The following PLXNA2 variants were observed in gnomAD, a reference collection of about 807,000 sequenced individuals.
PLXNA2 encodes plexin A2, also known as plexin-A2.
Under a neutral mutation model 193.5 loss-of-function variants are expected in PLXNA2, and 91 were observed. The observed-to-expected ratio is 0.47, with a 90% confidence interval of 0.40 to 0.56. The LOEUF (loss-of-function observed/expected upper bound fraction) is 0.56. Among genes scored for constraint, PLXNA2 ranks in the 20% least tolerant of loss-of-function variants. The pLI, the probability that PLXNA2 is intolerant of heterozygous loss-of-function variation, is 0.00. For missense variants in PLXNA2, 1,995 were observed against 2,503.2 expected (o/e 0.80, Z 4.33); for synonymous variants, 997 against 1,027.3 (o/e 0.97, Z 0.56).
intron 3 of PLXNA2, among the ~76,000 whole-genome samples, chr1:208,158,576 C>A (rs1304343168): frequency 6.6e-6 from 1 of 152,174 alleles, no homozygotes; most frequent in Non-Finnish European, 1.5e-5. Flanking sequence ...AGTGGCCTTG[C>A]CGACATCAGT....
chr1:208,163,245 A>G (rs536000137), intron 3 of PLXNA2, among the ~76,000 whole-genome samples: 173 of 152,272 alleles, frequency 1.1e-3, no homozygotes, highest in African/African-American at 4.1e-3. Flanking sequence ...ACCTTGCTCA[A>G]GAGACTCAGC....
At chr1:208,103,901 C>A (rs1667178081) in intron 4 of PLXNA2, among the ~76,000 whole-genome samples, 1 of 152,184 alleles carries the variant, frequency 6.6e-6, no homozygotes, top group Non-Finnish European at 1.5e-5. Context: ...AAGACCCTGC[C>A]CCCCAGAGAG....
At chr1:208,053,054 A>G (rs756396347) in intron 14 of PLXNA2, among the ~76,000 whole-genome samples, 1 of 152,248 alleles carries the variant, frequency 6.6e-6, no homozygotes, top group Non-Finnish European at 1.5e-5. Flanking sequence ...TACTAAGCTC[A>G]CTAAGTAGTA....
chr1:208,087,284 T>C (rs1159477538), intron 9 of PLXNA2, among the ~76,000 whole-genome samples: 1 of 152,116 alleles, frequency 6.6e-6, no homozygotes, highest in Non-Finnish European at 1.5e-5. Flanking sequence ...ATATAACACA[T>C]ATGTTATCTA....
At chr1:208,207,455 C>T (rs1385447569) in intron 3 of PLXNA2, among the ~76,000 whole-genome samples, 2 of 152,186 alleles carry the variant, frequency 1.3e-5, no homozygotes, top group African/African-American at 2.4e-5. Context: ...CACATAAGAG[C>T]GCCCTGTGGT....
rs893498522 is a variant in PLXNA2 at position 208,236,751 on chromosome 1, G to A, written c.-81+6892C>T. On this transcript the variant is annotated intron_variant, in intron 1 of 31. Coordinates refer to ENST00000367033, the MANE Select transcript of PLXNA2 (RefSeq NM_025179.4). The surrounding 1 kb of genome is among the most constrained non-coding windows in gnomAD (Gnocchi z 4.4). Reference sequence around the variant, plus strand: ...AGAAGCGGAAATGACGGCTAGGAAAGGCTCTAGAGACTGGAATCTAGTGGT... The same window carrying A: ...AGAAGCGGAAATGACGGCTAGGAAAAGCTCTAGAGACTGGAATCTAGTGGT... Among the ~76,000 whole-genome samples, 51 of 152,220 alleles carry A rather than the reference G, an allele frequency of 3.4e-4. No homozygotes were observed. The highest frequency in any genetic ancestry group is 1.3e-4 in the Admixed American group (2 of 15,286).
At chr1:208,192,104 C>T (rs539729374) in intron 3 of PLXNA2, among the ~76,000 whole-genome samples, 10 of 152,290 alleles carry the variant, frequency 6.6e-5, no homozygotes, top group East Asian at 3.9e-4. Context: ...TCTCTCAGCC[C>T]GTGCTGCCTG....
In PLXNA2 at chr1:208,148,005, T is replaced by C. The variant is rs1237957323; in HGVS notation, c.1372-5542A>G. Among the ~76,000 whole-genome samples the C allele has an allele frequency of 2.6e-5, 4 of 152,198 alleles. No homozygotes were observed. In the East Asian group the frequency reaches 7.7e-4, roughly 29 times the overall value. On this transcript the variant is annotated intron_variant, in intron 3 of 31. Coordinates refer to ENST00000367033, the MANE Select transcript of PLXNA2 (RefSeq NM_025179.4). ...GGTAAAATCCAGCAGAGATTTAGCG[T>C]CCAGTCCTCCAGTTGAAATGAGAAT... is the stretch of plus-strand genomic sequence containing the variant.
intron 3 of PLXNA2, among the ~76,000 whole-genome samples, chr1:208,186,708 A>ATTTTTTTTTTTTTTT (rs368056918): frequency 4.5e-5 from 5 of 111,698 alleles, no homozygotes; most frequent in African/African-American, 1.5e-4. Context: ...TTGCAATGTT[A>ATTTTTTTTTTTTTTT]TTTTATTTTT....
chr1:208,236,995 A>T lies in PLXNA2; in HGVS notation c.-81+6648T>A, dbSNP rs1025867430. Among the ~76,000 whole-genome samples the T allele has an allele frequency of 6.6e-6, 1 of 152,206 alleles. No individual in the cohort carries two copies. The highest frequency in any genetic ancestry group is 1.5e-5 in the Non-Finnish European group (1 of 68,038). ...TCAGACGAGGTGCAGGGAGAGCATGACCTTCCTTTATAGGATTAGAGACAG... is the reference window on the plus strand; with the variant it reads ...TCAGACGAGGTGCAGGGAGAGCATGTCCTTCCTTTATAGGATTAGAGACAG... On this transcript the variant is annotated intron_variant, in intron 1 of 31. Coordinates refer to ENST00000367033, the MANE Select transcript of PLXNA2 (RefSeq NM_025179.4). The surrounding 1 kb of genome is among the most constrained non-coding windows in gnomAD (Gnocchi z 4.4).
At position 208,034,495 on chromosome 1, in the gene PLXNA2, T is replaced by C. The variant is rs1384298446; in HGVS notation, c.4862A>G (p.Tyr1621Cys). 3 of 1,609,492 alleles carry C rather than the reference T, an allele frequency of 1.9e-6. No homozygotes were observed. The highest frequency in any genetic ancestry group is 2.6e-6 in the Non-Finnish European group (3 of 1,175,768). The change falls in exon 27 of 32, where the codon TAC (tyrosine) becomes TGC (cysteine). Residue 1621 changes from tyrosine to cysteine, a missense_variant and splice_region_variant. Around this residue, in one of 3 missense-constraint regions of PLXNA2, gnomAD observed 1,291 missense variants for 1,673.6 expected, o/e 0.77. Coordinates refer to ENST00000367033, the MANE Select transcript of PLXNA2 (RefSeq NM_025179.4). ...CAGTCTGCCCTCGTGGTTCTCACCG[T>C]ATCTGCTGATGGACGTCCGGGAGAT... ...ASISRTSISRYDSSFRYTGSP... is the reference protein window; with the variant it reads ...ASISRTSISRCDSSFRYTGSP...
chr1:208,209,532 G>A (rs182700040), intron 3 of PLXNA2, among the ~76,000 whole-genome samples: 53 of 152,290 alleles, frequency 3.5e-4, no homozygotes, highest in African/African-American at 1.1e-3. Flanking sequence ...CAGATTGTGC[G>A]CCCTCTCTGC....
At position 208,044,366 on chromosome 1, in the gene PLXNA2, C is replaced by T. The variant is rs961200139; in HGVS notation, c.3874+142G>A. The T allele has an allele frequency of 7.6e-6, 5 of 658,960 alleles. No individual in the cohort carries two copies. The African/African-American group carries it at 9.0e-5, about 12-fold the overall frequency. The allele number at this position is 658,960 out of a possible 1,614,324, so 40.8% of individuals were successfully genotyped here. A position where few individuals can be genotyped will look rare whatever the true frequency, so the allele number is the denominator to read the frequency against. ...TCTGACCCTATAAGCAAAAGAAGTT[C>T]TGGGAAAACAGGGGTGAAAGTGGAA... On this transcript the variant is annotated intron_variant, in intron 20 of 31. Coordinates refer to ENST00000367033, the MANE Select transcript of PLXNA2 (RefSeq NM_025179.4). This position sits in a 1 kb window ranked among gnomAD's most constrained non-coding sequence, Gnocchi z 4.9.
chr1:208,058,986 T>G (rs903005904), intron 13 of PLXNA2, among the ~76,000 whole-genome samples: 1 of 152,158 alleles, frequency 6.6e-6, no homozygotes, highest in African/African-American at 2.4e-5. Context: ...GAATTTGCAC[T>G]TCTCAGCTAA....
At chr1:208,151,046 G>C (rs998126252) in intron 3 of PLXNA2, among the ~76,000 whole-genome samples, 1 of 152,246 alleles carries the variant, frequency 6.6e-6, no homozygotes, top group African/African-American at 2.4e-5. Flanking sequence ...ACAAGACGAA[G>C]CTGCCAGGGG....
At chr1:208,074,271 G>T (rs958749226) in intron 12 of PLXNA2, among the ~76,000 whole-genome samples, 1 of 152,158 alleles carries the variant, frequency 6.6e-6, no homozygotes, top group Non-Finnish European at 1.5e-5. Context: ...AGCATAGGCT[G>T]GGGGAACGGA....
intron 2 of PLXNA2, among the ~76,000 whole-genome samples, chr1:208,211,251 A>C (rs1670932221): frequency 1.3e-5 from 2 of 152,238 alleles, no homozygotes; most frequent in African/African-American, 4.8e-5. Context: ...GATCTTCAAC[A>C]ATGTTTGGGT....
intron 3 of PLXNA2, among the ~76,000 whole-genome samples, chr1:208,182,290 G>A (rs902876990): frequency 5.3e-5 from 8 of 152,072 alleles, no homozygotes; most frequent in African/African-American, 9.7e-5. Flanking sequence ...AAAATTAGCC[G>A]GGCATGGTGG....
chr1:208,031,701 C>G lies in PLXNA2; in HGVS notation c.5114G>C (p.Arg1705Pro). The G allele has an allele frequency of 6.2e-7, 1 of 1,613,376 alleles. No homozygotes were observed. The highest frequency in any genetic ancestry group is 8.5e-7 in the Non-Finnish European group (1 of 1,179,892). ...GATGGCCAGGGGGAGAGCGCTGCCC[C>G]GGTGCACAGTGCTGAACAAGGTCTC... ...LFETLFSTVHRGSALPLAIKY... is the reference protein window; with the variant it reads ...LFETLFSTVHPGSALPLAIKY... Residue 1705 changes from arginine to proline, a missense_variant, in exon 29 of 32, where the codon CGG becomes CCG. This residue lies in a region of PLXNA2 where 1,291 missense variants were observed against 1,673.6 expected (regional missense o/e 0.77). Coordinates refer to ENST00000367033, the MANE Select transcript of PLXNA2 (RefSeq NM_025179.4).
Sources: gnomAD v4.1 joint callset for allele counts (sites outside exome capture counted in the v4.1 genomes callset) on GRCh38, gnomAD v4.1.1 for gene constraint, gnomAD v4.1.1 regional missense constraint, Gnocchi (gnomAD v3.1) non-coding constraint, MANE v1.5 for transcripts, NCBI Gene and HGNC (gene_info 2026-07-23, HGNC 2026-07-21) for gene names.